Variants in KDM3A observed in about 807,000 individuals in gnomAD.
The protein encoded by KDM3A is lysine demethylase 3A.
A neutral mutation model predicts 158.0 loss-of-function variants in KDM3A; 60 were observed. That is an observed-to-expected ratio of 0.38 (90% confidence interval 0.31 to 0.47). The LOEUF (loss-of-function observed/expected upper bound fraction) is 0.47. Among genes scored for constraint, KDM3A ranks in the 20% least tolerant of loss-of-function variants. The pLI, the probability that KDM3A is intolerant of heterozygous loss-of-function variation, is 0.99. For missense variants in KDM3A, 1,319 were observed against 1,574.3 expected (o/e 0.84, Z 2.74); for synonymous variants, 608 against 549.3 (o/e 1.11, Z -1.49).
chr2:86,444,421 T>A (rs1035015867), intron 2 of KDM3A, among the ~76,000 whole-genome samples: 3 of 152,226 alleles, frequency 2.0e-5, no homozygotes, highest in Non-Finnish European at 4.4e-5. Context: ...GATTTATCAC[T>A]GCATTCCTTA....
Position 86,455,103 on chromosome 2 carries a change from C to T in KDM3A, c.472C>T (p.Leu158Phe), listed in dbSNP as rs929553099. The change falls in exon 5 of 26, where the codon CTT becomes TTT. Residue 158 changes from leucine (L) to phenylalanine (F), a missense_variant. Leu to Phe is a conservative substitution (Grantham distance 22). Transcript: ENST00000312912. ...KPIQDVNSLR[L>F]SLTDNQIVSK... ...TTTTCAGGATGTAAACAGTCTTCGA[C>T]TTTCTCTTACGGATAATCAGATTGT... 1.1e-5 allele frequency: 18 copies of T among 1,594,374 alleles called. No homozygotes were observed. The highest frequency in any genetic ancestry group is 1.4e-5 in the Non-Finnish European group (16 of 1,170,868).
chr2:86,439,469 T>C (rs960740121), upstream of KDM3A, among the ~76,000 whole-genome samples: 1 of 152,098 alleles, frequency 6.6e-6, no homozygotes, highest in Non-Finnish European at 1.5e-5. Flanking sequence ...TTTATAACTT[T>C]TATAAAATGC....
intron 21 of KDM3A, 174 bp from the exon 22 acceptor site, chr2:86,489,144 T>A: frequency 1.5e-6 from 1 of 684,938 alleles, no homozygotes; most frequent in Middle Eastern, 4.3e-4. Context: ...GTATTCCTTC[T>A]TTTCTTGCTA....
chr2:86,448,244 T>G (rs1011405242), intron 2 of KDM3A, among the ~76,000 whole-genome samples: 3 of 152,218 alleles, frequency 2.0e-5, no homozygotes, highest in Non-Finnish European at 4.4e-5. Context: ...AAGGGTAGGA[T>G]AGATCTTAGA....
intron 15 of KDM3A, 89 bp downstream of exon 15, chr2:86,478,824 T>A: frequency 7.8e-7 from 1 of 1,283,734 alleles, no homozygotes; most frequent in Non-Finnish European, 1.1e-6. Flanking sequence ...TCAGTGCATT[T>A]GAAAGGAACC....
intron 15 of KDM3A, 108 bp from the exon 16 acceptor site, chr2:86,480,059 G>T: frequency 1.2e-6 from 1 of 862,028 alleles, no homozygotes; most frequent in Non-Finnish European, 1.9e-6. Context: ...AGGTGGTTTT[G>T]TTCTGGATAT....
intron 21 of KDM3A, among the ~76,000 whole-genome samples, chr2:86,486,350 TACTC>T (rs1304076694): frequency 2.0e-5 from 3 of 152,206 alleles, no homozygotes. Context: ...CATGACTCAA[TACTC>T]ACTGTCTAAC....
intron 12 of KDM3A, 108 bp downstream of exon 12, chr2:86,475,098 A>G (rs1673603714): frequency 4.5e-6 from 4 of 884,192 alleles, no homozygotes; most frequent in Non-Finnish European, 7.2e-6. Context: ...AGAAGTTTAG[A>G]TAACTTTGGT....
upstream of KDM3A, chr2:86,440,675 A>G (rs1394977778): frequency 6.6e-6 from 1 of 152,234 alleles, no homozygotes; most frequent in Non-Finnish European, 1.5e-5. Flanking sequence ...GCCTTTCTTC[A>G]TTTATCCTTC....
In KDM3A at chr2:86,484,215, A is replaced by G. The variant is rs1038082908; in HGVS notation, c.3094+57A>G. On this transcript the variant is annotated intron_variant, in intron 19 of 25. Coordinates refer to ENST00000312912, the MANE Select transcript of KDM3A (RefSeq NM_018433.6). ...GGATGTGAAAGGAGGGGACACAGGA[A>G]TGGCAGGAGTCTGAGACCCATCAGT... The G allele has an allele frequency of 4.0e-6, 6 of 1,485,580 alleles. No individual in the cohort carries two copies. In the African/African-American group the frequency reaches 5.6e-5, roughly 14 times the overall value. The allele number at this position is 1,485,580 out of a possible 1,614,324, so 92.0% of individuals were successfully genotyped here. A position where few individuals can be genotyped will look rare whatever the true frequency, so the allele number is the denominator to read the frequency against.
chr2:86,474,678 A>AG (rs995031992), intron 11 of KDM3A, 98 bp from the exon 12 acceptor site: 3 of 704,664 alleles, frequency 4.3e-6, no homozygotes, highest in African/African-American at 1.9e-5. Flanking sequence ...AAAAAAAAAA[A>AG]GTAATTACAA....
In KDM3A at chr2:86,485,808, C is replaced by G; in HGVS notation, c.3262C>G (p.Pro1088Ala). The change falls in exon 21 of 26, where the codon CCA becomes GCA. Residue 1088 changes from proline to alanine, a missense_variant. Physicochemically the swap from Pro to Ala is conservative, Grantham distance 27 (BLOSUM62 -1). This residue lies in a region of KDM3A where 186 missense variants were observed against 340.9 expected (regional missense o/e 0.55). Coordinates refer to ENST00000312912, the MANE Select transcript of KDM3A (RefSeq NM_018433.6). ...CAAACTGAATTTGGCCTCTAGGCTG[C>G]CAAACTACTTTGTTCGGCCAGATCT... ...DGKLNLASRLPNYFVRPDLGP... is the reference protein window; with the variant it reads ...DGKLNLASRLANYFVRPDLGP... The G allele has an allele frequency of 6.2e-7, 1 of 1,614,106 alleles. No individual in the cohort carries two copies. Among genetic ancestry groups the G allele is most frequent in the Non-Finnish European group, 8.5e-7 (1 of 1,180,004 alleles).
At chr2:86,479,515 T>C (rs1673821424) in intron 15 of KDM3A, 1 of 152,212 alleles carries the variant, frequency 6.6e-6, no homozygotes, top group East Asian at 1.9e-4. Flanking sequence ...AGAAGCAATA[T>C]TGATGATTGG....
At chr2:86,462,665 T>G (rs1263948867) in intron 8 of KDM3A, among the ~76,000 whole-genome samples, 5 of 152,352 alleles carry the variant, frequency 3.3e-5, no homozygotes, top group African/African-American at 9.6e-5. Context: ...GCCAAAACTT[T>G]GCCAGTGATT....
chr2:86,442,471 C>T lies in KDM3A; in HGVS notation c.186+238C>T, dbSNP rs980099197. The T allele has an allele frequency of 5.7e-5, 25 of 439,860 alleles. No homozygotes were observed. The South Asian group carries it at 7.3e-4, about 13-fold the overall frequency. The allele number at this position is 439,860 out of a possible 1,614,324, so 27.2% of individuals were successfully genotyped here. A position where few individuals can be genotyped will look rare whatever the true frequency, so the allele number is the denominator to read the frequency against. On this transcript the variant is annotated intron_variant, in intron 2 of 25. Coordinates refer to ENST00000312912, the MANE Select transcript of KDM3A (RefSeq NM_018433.6). ...ATGGGCTTAGGGTTGTTCAGACACGCTTCATTAATGCCGGTGCTGTGTCCC... is the reference window on the plus strand; with the variant it reads ...ATGGGCTTAGGGTTGTTCAGACACGTTTCATTAATGCCGGTGCTGTGTCCC...
Position 86,478,593 on chromosome 2 carries a change from C to G in KDM3A, c.2189-15C>G, listed in dbSNP as rs370421081. The G allele has an allele frequency of 1.9e-6, 3 of 1,613,294 alleles. No homozygotes were observed. Among genetic ancestry groups the G allele is most frequent in the Non-Finnish European group, 2.5e-6 (3 of 1,179,686 alleles). ...AATATCCTTGTTCAGATGTTTGCCT[C>G]TGCCCTTTCTTTAGCACTCTATGAT... On this transcript the variant is annotated splice_polypyrimidine_tract_variant and intron_variant, in intron 14 of 25. Transcript: ENST00000312912.
chr2:86,439,724 C>A (rs970870825), upstream of KDM3A, among the ~76,000 whole-genome samples: 2 of 152,100 alleles, frequency 1.3e-5, no homozygotes, highest in African/African-American at 4.8e-5. Flanking sequence ...TCGTTCATAG[C>A]GTCACCTTAG....
At position 86,466,900 on chromosome 2, in the gene KDM3A, A is replaced by G. The variant is rs1673179679; in HGVS notation, c.1519+17A>G. On this transcript the variant is annotated intron_variant, in intron 10 of 25. Coordinates refer to ENST00000312912, the MANE Select transcript of KDM3A (RefSeq NM_018433.6). ...TCCAGAATGGTGAGTGTTTCTCAAT[A>G]TCTTTATTGGTAGAAGGTAAGAAAT... The G allele has an allele frequency of 6.4e-7, 1 of 1,558,740 alleles. No individual in the cohort carries two copies. The highest frequency in any genetic ancestry group is 8.7e-7 in the Non-Finnish European group (1 of 1,153,352).
chr2:86,466,849 CTGT>C lies in KDM3A; in HGVS notation c.1490_1492del (p.Cys497del). 2 of 1,608,236 alleles carry C rather than the reference CTGT, an allele frequency of 1.2e-6. No individual in the cohort carries two copies. The highest frequency in any genetic ancestry group is 1.7e-6 in the Non-Finnish European group (2 of 1,177,606). ...CTTCAGTAAAAGTAGATAATGAAAG[CTGT>C]TGTTCAAGAAGCAACAATAAAATCC... On this transcript the variant is annotated inframe_deletion, in exon 10 of 26. Coordinates refer to ENST00000312912, the MANE Select transcript of KDM3A (RefSeq NM_018433.6).
Sources: allele counts gnomAD v4.1 joint callset (sites outside exome capture counted in the v4.1 genomes callset), GRCh38; gene constraint gnomAD v4.1.1; regional missense constraint gnomAD v4.1.1; transcripts MANE v1.5; gene names NCBI Gene and HGNC (gene_info 2026-07-23, HGNC 2026-07-21).